The following DACH2 variants were observed in gnomAD, a reference collection of about 807,000 sequenced individuals.
DACH2 encodes dachshund homolog 2.
A neutral mutation model predicts 35.8 loss-of-function variants in DACH2; 17 were observed. That is an observed-to-expected ratio of 0.48 (90% CI 0.33 to 0.71). DACH2 has a LOEUF of 0.71. Among genes scored for constraint, DACH2 ranks in the 30% least tolerant of loss-of-function variants. DACH2 has a pLI of 0.02. For missense variants in DACH2, 469 were observed against 472.7 expected, an observed-to-expected ratio of 0.99 and a Z score of 0.07; for synonymous variants, 195 against 177.3, an observed-to-expected ratio of 1.10 and a Z score of -0.79.
chrX:86,304,107 A>C (rs1278548683), intron 1 of DACH2, among the ~76,000 whole-genome samples: 1 of 112,392 alleles, frequency 8.9e-6, no homozygotes, highest in African/African-American at 3.2e-5. Flanking sequence ...TGTGCCAAGA[A>C]CACACAATGG....
At chrX:86,350,181 G>GTTA (rs1415879181) in intron 1 of DACH2, among the ~76,000 whole-genome samples, 2 of 21,310 alleles carry the variant, frequency 9.4e-5, no homozygotes, top group Non-Finnish European at 1.7e-4. Flanking sequence ...AACAAAACAA[G>GTTA]TGTCTGTTCA....
At chrX:86,332,829 T>G (rs1284476013) in intron 1 of DACH2, among the ~76,000 whole-genome samples, 2 of 112,034 alleles carry the variant, frequency 1.8e-5, no homozygotes, top group African/African-American at 6.5e-5. Context: ...TATAACAAGT[T>G]TGTTTCATCT....
intron 3 of DACH2, among the ~76,000 whole-genome samples, chrX:86,579,332 A>G (rs2039474087): frequency 9.0e-6 from 1 of 111,188 alleles, no homozygotes; most frequent in South Asian, 3.8e-4. Flanking sequence ...ACCTCAAGTG[A>G]TCTACCTACT....
intron 6 of DACH2, among the ~76,000 whole-genome samples, chrX:86,717,103 C>G (rs866892416): frequency 7.1e-5 from 8 of 112,057 alleles, no homozygotes; most frequent in Middle Eastern, 4.6e-3. Flanking sequence ...TTCTATTTCT[C>G]TACAAATCTA....
chrX:86,496,779 G>T (rs2038178421), intron 2 of DACH2, among the ~76,000 whole-genome samples: 1 of 110,407 alleles, frequency 9.1e-6, no homozygotes, highest in African/African-American at 3.3e-5. Context: ...TAAATGGCTT[G>T]AAAGAGCTAG....
intron 1 of DACH2, among the ~76,000 whole-genome samples, chrX:86,231,650 C>T (rs1180659298): frequency 8.9e-6 from 1 of 112,048 alleles, no homozygotes; most frequent in African/African-American, 3.2e-5. Flanking sequence ...AAAACTTGCC[C>T]GAGGCTTTCT....
intron 1 of DACH2, among the ~76,000 whole-genome samples, chrX:86,223,780 T>C (rs2032764239): frequency 8.9e-6 from 1 of 112,202 alleles, no homozygotes; most frequent in African/African-American, 3.2e-5. Context: ...CAGAGATAGA[T>C]CTGAGCTTTA....
At position 86,741,276 on chromosome X, in the gene DACH2, T is replaced by C. The variant is rs554406884; in HGVS notation, c.1240+1394T>C. On this transcript the variant is annotated intron_variant, in intron 7 of 11. Transcript: ENST00000373125. Reference sequence around the variant, plus strand: ...GTCCAAATCTCACTTAGCTTGTCAGTATTATATGTTTTTTGGAGCCCTTTA... The same window carrying C: ...GTCCAAATCTCACTTAGCTTGTCAGCATTATATGTTTTTTGGAGCCCTTTA... Among the ~76,000 whole-genome samples the C allele has an allele frequency of 6.3e-5, 7 of 111,496 alleles. No homozygotes were observed. In the South Asian group the frequency reaches 1.9e-3, roughly 30 times the overall value.
intron 5 of DACH2, among the ~76,000 whole-genome samples, chrX:86,711,302 G>A (rs1012845651): frequency 7.2e-5 from 8 of 111,306 alleles, no homozygotes; most frequent in Admixed American, 1.9e-4. Flanking sequence ...GCTTGAGCCC[G>A]GGAGGCGGAG....
intron 3 of DACH2, among the ~76,000 whole-genome samples, chrX:86,575,197 T>G (rs908714991): frequency 2.2e-4 from 24 of 111,277 alleles, no homozygotes; most frequent in Admixed American, 9.6e-5. Flanking sequence ...TGAAGACTGA[T>G]GCCAACTTTA....
chrX:86,413,265 C>A (rs1157751018), intron 2 of DACH2, among the ~76,000 whole-genome samples: 3 of 111,907 alleles, frequency 2.7e-5, no homozygotes, highest in Non-Finnish European at 5.6e-5. Context: ...CAATAGAAGT[C>A]TTTTTGAAGA....
chrX:86,458,267 C>A (rs1018183885), intron 2 of DACH2, among the ~76,000 whole-genome samples: 1 of 111,327 alleles, frequency 9.0e-6, no homozygotes, highest in Admixed American at 9.6e-5. Flanking sequence ...CAAATGTTGG[C>A]AAAAACCTCA....
chrX:86,536,795 C>T (rs1008143810), intron 3 of DACH2, among the ~76,000 whole-genome samples: 6 of 112,111 alleles, frequency 5.4e-5, no homozygotes, highest in African/African-American at 1.9e-4. Context: ...ACCCAACCAC[C>T]TTGGGTGCAT....
intron 6 of DACH2, among the ~76,000 whole-genome samples, chrX:86,723,339 T>A (rs2041429432): frequency 9.1e-6 from 1 of 110,097 alleles, no homozygotes; most frequent in African/African-American, 3.3e-5. Flanking sequence ...TGCTAATTTT[T>A]TTTTTTTTGC....
rs138609843 is a variant in DACH2 at position 86,737,268 on chromosome X, G to A, written c.1105-2479G>A. 7.7e-3 allele frequency among the ~76,000 whole-genome samples: 849 copies of A among 110,512 alleles called. 19 individuals are homozygous for A. Among genetic ancestry groups the A allele is most frequent in the Admixed American group, 0.066 (681 of 10,288 alleles). On this transcript the variant is annotated intron_variant, in intron 6 of 11. Transcript: ENST00000373125. ...CTTCTGTATTTCTTTTTATTTTTCC[G>A]TGCAGACATTATGTGACAAGTAGAT...
intron 2 of DACH2, among the ~76,000 whole-genome samples, chrX:86,441,855 A>G (rs983749324): frequency 6.2e-5 from 6 of 96,559 alleles, no homozygotes; most frequent in African/African-American, 1.5e-4. Context: ...TATACTATAT[A>G]TGTGTGTGTG....
rs61396163 is a variant in DACH2 at position 86,441,479 on chromosome X, CTGTGTGTGTGTGTG to C, written c.527+64641_527+64654del. Among the ~76,000 whole-genome samples the C allele has an allele frequency of 2.1e-3, 202 of 95,450 alleles. 1 individual carries two copies. Among genetic ancestry groups the C allele is most frequent in the African/African-American group, 7.1e-3 (188 of 26,546 alleles). The allele number at this position is 95,450 out of a possible 115,157, so 82.9% of individuals were successfully genotyped here. On this transcript the variant is annotated intron_variant, in intron 2 of 11. Coordinates refer to ENST00000373125, the MANE Select transcript of DACH2 (RefSeq NM_053281.3). ...TTTTTTATGACTGAAAAGTATTCCA[CTGTGTGTGTGTGTG>C]TGTGTGTGTGTGTGTGTGTGTGTAT... is the stretch of plus-strand genomic sequence containing the variant.
chrX:86,553,690 T>C (rs991283549), intron 3 of DACH2, among the ~76,000 whole-genome samples: 5 of 111,883 alleles, frequency 4.5e-5, no homozygotes, highest in African/African-American at 6.5e-5. Flanking sequence ...TGTATGTATG[T>C]AGATATGTTT....
intron 7 of DACH2, among the ~76,000 whole-genome samples, chrX:86,771,008 T>C (rs1305490953): frequency 8.8e-6 from 1 of 113,188 alleles, no homozygotes; most frequent in Admixed American, 9.3e-5. Context: ...TGGTGACGTT[T>C]ACCAGGGCAT....
Sources: allele counts gnomAD v4.1 joint callset (sites outside exome capture counted in the v4.1 genomes callset), GRCh38; gene constraint gnomAD v4.1.1; transcripts MANE v1.5; gene names NCBI Gene and HGNC (gene_info 2026-07-23, HGNC 2026-07-21).